Variants in SBF2 observed in about 807,000 individuals in gnomAD.
SBF2 encodes myotubularin-related protein 13.
A neutral mutation model predicts 225.2 loss-of-function variants in SBF2; 112 were observed. The ratio of observed to expected loss-of-function variants is 0.50; its 90% CI spans 0.43 to 0.58. The LOEUF is 0.58. Ranked by LOEUF, SBF2 falls within the 20% of genes least tolerant of loss-of-function variation. The pLI is 0.00. For missense variants in SBF2, 1,996 were observed against 2,206.2 expected (o/e 0.90, Z 1.91); for synonymous variants, 763 against 773.3 (o/e 0.99, Z 0.22).
chr11:9,864,032 A>C (rs1446998526), intron 17 of SBF2, among the ~76,000 whole-genome samples: 1 of 152,208 alleles, frequency 6.6e-6, no homozygotes, highest in Admixed American at 6.5e-5. Flanking sequence ...ACAAAACACA[A>C]CTGGCTTATG....
In SBF2 at chr11:9,895,927, G is replaced by C. The variant is rs1385236678; in HGVS notation, c.1929+16C>G. 1.3e-6 allele frequency: 2 copies of C among 1,571,922 alleles called. No homozygotes were observed. Among genetic ancestry groups the C allele is most frequent in the Admixed American group, 3.3e-5 (2 of 59,942 alleles). ...GTAAATCATAACAAGCTTATATATG[G>C]ACCAATGAAACTTACCCTATAGAAA... On this transcript the variant is annotated intron_variant, in intron 17 of 39. Coordinates refer to ENST00000256190, the MANE Select transcript of SBF2 (RefSeq NM_030962.4).
intron 2 of SBF2, among the ~76,000 whole-genome samples, chr11:10,138,883 GA>G (rs968435198): frequency 3.3e-5 from 5 of 152,052 alleles, no homozygotes; most frequent in Non-Finnish European, 7.4e-5. Flanking sequence ...ATGAACATTT[GA>G]AAACACTGTA....
intron 17 of SBF2, among the ~76,000 whole-genome samples, chr11:9,862,544 T>C (rs1857843733): frequency 6.6e-6 from 1 of 152,192 alleles, no homozygotes; most frequent in Non-Finnish European, 1.5e-5. Flanking sequence ...TTACTCTACG[T>C]TGTTTCTGTA....
intron 2 of SBF2, among the ~76,000 whole-genome samples, chr11:10,051,516 T>C (rs1472054898): frequency 2.0e-5 from 3 of 152,104 alleles, no homozygotes; most frequent in African/African-American, 7.2e-5. Context: ...TAGTAATTAA[T>C]GGTTGGCCTG....
intron 16 of SBF2, among the ~76,000 whole-genome samples, chr11:9,930,950 C>A (rs1042258702): frequency 6.6e-6 from 1 of 152,246 alleles, no homozygotes; most frequent in Admixed American, 6.5e-5. Context: ...AGATTCTCTC[C>A]CATGCCAGGC....
At chr11:9,782,871 A>G (rs1399529553) in intron 38 of SBF2, among the ~76,000 whole-genome samples, 4 of 122,710 alleles carry the variant, frequency 3.3e-5, no homozygotes, top group African/African-American at 1.1e-4. Context: ...CTCTGTCTCA[A>G]AAGAAAAAAA....
At chr11:10,172,874 G>A (rs1274419668) in intron 2 of SBF2, among the ~76,000 whole-genome samples, 6 of 152,000 alleles carry the variant, frequency 3.9e-5, no homozygotes, top group Non-Finnish European at 5.9e-5. Flanking sequence ...TGCCATGCTG[G>A]CCAGGCTGGT....
chr11:9,892,740 G>T (rs1228865286), intron 17 of SBF2, among the ~76,000 whole-genome samples: 1 of 151,972 alleles, frequency 6.6e-6, no homozygotes, highest in Non-Finnish European at 1.5e-5. Flanking sequence ...CGTATTTTTA[G>T]TAGAGATGGG....
chr11:9,999,085 A>T (rs1947831228), intron 8 of SBF2, among the ~76,000 whole-genome samples: 1 of 152,230 alleles, frequency 6.6e-6, no homozygotes, highest in Admixed American at 6.5e-5. Flanking sequence ...AAGTCTATTT[A>T]AAAATAACTT....
At chr11:9,986,000 G>A (rs541710121) in intron 13 of SBF2, among the ~76,000 whole-genome samples, 74 of 152,116 alleles carry the variant, frequency 4.9e-4, no homozygotes, top group Non-Finnish European at 9.6e-4. Context: ...AACAGCACAT[G>A]GAACTTTCTC....
chr11:10,273,025 G>A (rs918251037), intron 1 of SBF2, among the ~76,000 whole-genome samples: 13 of 148,356 alleles, frequency 8.8e-5, no homozygotes, highest in African/African-American at 2.7e-4. Context: ...AGCCAAGATC[G>A]CGCCACTGCA....
At chr11:10,114,489 G>A (rs994780145) in intron 2 of SBF2, among the ~76,000 whole-genome samples, 1 of 151,962 alleles carries the variant, frequency 6.6e-6, no homozygotes, top group Non-Finnish European at 1.5e-5. Context: ...ATATCTACAT[G>A]CTGTTTTCTA....
chr11:10,216,846 G>A (rs1367348120), intron 1 of SBF2, among the ~76,000 whole-genome samples: 7 of 151,958 alleles, frequency 4.6e-5, no homozygotes, highest in Non-Finnish European at 7.4e-5. Context: ...CTCTAGCCTA[G>A]GTGGCAAAAG....
intron 2 of SBF2, among the ~76,000 whole-genome samples, chr11:10,050,583 A>G: frequency 6.6e-6 from 1 of 152,160 alleles, no homozygotes; most frequent in South Asian, 2.1e-4. Flanking sequence ...GTCTCTCTCA[A>G]AATGTATTAT....
At chr11:10,135,147 G>T (rs1954285365) in intron 2 of SBF2, among the ~76,000 whole-genome samples, 1 of 152,206 alleles carries the variant, frequency 6.6e-6, no homozygotes, top group Non-Finnish European at 1.5e-5. Context: ...CTTAGGGCTT[G>T]CAGCCTCTGA....
At chr11:10,069,860 T>G (rs551427639) in intron 2 of SBF2, among the ~76,000 whole-genome samples, 2,267 of 152,314 alleles carry the variant, frequency 0.015, 52 homozygotes, top group African/African-American at 0.051. Context: ...TTCTAACTGG[T>G]GTGAGATGGT....
chr11:9,937,348 A>C (rs967899974), intron 16 of SBF2, among the ~76,000 whole-genome samples: 1 of 152,202 alleles, frequency 6.6e-6, no homozygotes, highest in Non-Finnish European at 1.5e-5. Flanking sequence ...AAAATTTATC[A>C]ATTTCATCTA....
intron 22 of SBF2, among the ~76,000 whole-genome samples, chr11:9,848,294 A>T (rs1856695667): frequency 6.6e-6 from 1 of 152,208 alleles, no homozygotes; most frequent in Admixed American, 6.5e-5. Flanking sequence ...GGATGTATTT[A>T]ACACCTACAT....
At chr11:9,985,535 C>T (rs1182626695) in intron 13 of SBF2, among the ~76,000 whole-genome samples, 1 of 152,056 alleles carries the variant, frequency 6.6e-6, no homozygotes, top group Non-Finnish European at 1.5e-5. Context: ...GTTGGCAAGG[C>T]TGGTCTCAAA....
Sources: allele counts gnomAD v4.1 joint callset (sites outside exome capture counted in the v4.1 genomes callset), GRCh38; gene constraint gnomAD v4.1.1; transcripts MANE v1.5; gene names NCBI Gene and HGNC (gene_info 2026-07-23, HGNC 2026-07-21).